BMPR1A: variants seen among roughly 807,000 people sequenced by gnomAD.
The protein encoded by BMPR1A is bone morphogenetic protein receptor type 1A, also known as bone morphogenetic protein receptor type-1A.
A neutral mutation model predicts 66.0 loss-of-function variants in BMPR1A; 7 were observed. The ratio of observed to expected loss-of-function variants is 0.11; its 90% CI spans 0.06 to 0.20. The LOEUF is 0.20. Ranked by LOEUF, BMPR1A falls within the 10% of genes least tolerant of loss-of-function variation. BMPR1A has a pLI of 1.00. For synonymous variants in BMPR1A, 200 were observed against 229.7 expected (o/e 0.87, Z 1.17); for missense variants, 408 against 669.1 (o/e 0.61, Z 4.31).
chr10:86,882,810 C>A (rs1843008624), intron 3 of BMPR1A, among the ~76,000 whole-genome samples: 1 of 151,468 alleles, frequency 6.6e-6, no homozygotes, highest in Non-Finnish European at 1.5e-5. Context: ...ACTAAAAATA[C>A]AAAAAATTAG....
intron 1 of BMPR1A, among the ~76,000 whole-genome samples, chr10:86,835,241 GA>G (rs1261675169): frequency 1.5e-5 from 1 of 67,912 alleles, no homozygotes; most frequent in African/African-American, 4.7e-5. Flanking sequence ...TCTTTAAAAA[GA>G]AAAAAAGAAA....
chr10:86,794,961 C>T (rs928672303), intron 1 of BMPR1A, among the ~76,000 whole-genome samples: 7 of 151,878 alleles, frequency 4.6e-5, no homozygotes, highest in East Asian at 1.9e-4. Flanking sequence ...AAGCAGTTCT[C>T]CTGCCTCAGC....
At chr10:86,774,372 G>T (rs1449991810) in intron 1 of BMPR1A, among the ~76,000 whole-genome samples, 1 of 151,870 alleles carries the variant, frequency 6.6e-6, no homozygotes, top group Non-Finnish European at 1.5e-5. Context: ...TTCAAGGATT[G>T]TCTTGGACCA....
intron 8 of BMPR1A, among the ~76,000 whole-genome samples, chr10:86,914,278 C>A (rs1255325916): frequency 2.0e-5 from 3 of 152,034 alleles, no homozygotes; most frequent in Admixed American, 2.0e-4. Flanking sequence ...TAGCATAGAC[C>A]TAAATGTAAA....
intron 2 of BMPR1A, among the ~76,000 whole-genome samples, chr10:86,842,868 C>G (rs1304765876): frequency 2.6e-5 from 4 of 151,870 alleles, no homozygotes; most frequent in African/African-American, 9.7e-5. Context: ...TATTCACTAC[C>G]AAGAGAACAG....
At chr10:86,855,046 C>A in intron 2 of BMPR1A, 1 of 226,264 alleles carries the variant, frequency 4.4e-6, no homozygotes. Flanking sequence ...AAGCAGTTCT[C>A]CTCAGCCTCC....
chr10:86,876,982 T>C (rs1231055829), intron 3 of BMPR1A, among the ~76,000 whole-genome samples: 1 of 152,220 alleles, frequency 6.6e-6, no homozygotes, highest in African/African-American at 2.4e-5. Flanking sequence ...GGCCTGTATT[T>C]GCACATAAGC....
intron 1 of BMPR1A, among the ~76,000 whole-genome samples, chr10:86,767,952 T>G (rs929629211): frequency 2.7e-4 from 41 of 152,220 alleles, no homozygotes; most frequent in African/African-American, 8.4e-4. Context: ...TCCTACATGT[T>G]ACTTGTTTTC....
chr10:86,891,167 G>A (rs1843145264), intron 4 of BMPR1A, among the ~76,000 whole-genome samples: 1 of 152,140 alleles, frequency 6.6e-6, no homozygotes, highest in African/African-American at 2.4e-5. Flanking sequence ...TCCCCTGGTG[G>A]TGGTGGGCTC....
At chr10:86,916,058 A>G (rs999915321) in intron 8 of BMPR1A, among the ~76,000 whole-genome samples, 16 of 152,288 alleles carry the variant, frequency 1.1e-4, no homozygotes, top group African/African-American at 3.9e-4. Context: ...TTTGTGTGCT[A>G]TGAAGGTGTT....
chr10:86,899,932 C>A, intron 6 of BMPR1A, 42 bp downstream of exon 6: 1 of 1,609,802 alleles, frequency 6.2e-7, no homozygotes, highest in Non-Finnish European at 8.5e-7. Context: ...TCTCAAATAT[C>A]TTCTCTGGTT....
intron 2 of BMPR1A, among the ~76,000 whole-genome samples, chr10:86,867,440 C>T (rs980759149): frequency 6.6e-6 from 1 of 152,236 alleles, no homozygotes. Context: ...TGATTCACTT[C>T]GCCTGTTTTT....
chr10:86,861,153 C>T (rs547266361), intron 2 of BMPR1A, among the ~76,000 whole-genome samples: 3 of 152,138 alleles, frequency 2.0e-5, no homozygotes, highest in Non-Finnish European at 4.4e-5. Context: ...GAACTTCTTA[C>T]AACACCCTAA....
At chr10:86,796,475 A>G (rs1050047170) in intron 1 of BMPR1A, among the ~76,000 whole-genome samples, 3 of 151,512 alleles carry the variant, frequency 2.0e-5, no homozygotes, top group African/African-American at 4.9e-5. Flanking sequence ...GAATTATATC[A>G]CATAAATTTA....
At chr10:86,917,032 G>A in intron 8 of BMPR1A, 102 bp from the exon 9 acceptor site, 1 of 1,246,556 alleles carries the variant, frequency 8.0e-7, no homozygotes, top group South Asian at 1.3e-5. Context: ...AACTGGAGTT[G>A]GTTGGGTACA....
intron 11 of BMPR1A, 37 bp downstream of exon 11, chr10:86,921,732 CT>C: frequency 6.2e-7 from 1 of 1,613,548 alleles, no homozygotes. Flanking sequence ...TGTTGATTTA[CT>C]CATCATTTTA....
intron 1 of BMPR1A, among the ~76,000 whole-genome samples, chr10:86,838,022 G>A (rs1385900012): frequency 6.6e-6 from 1 of 152,182 alleles, no homozygotes; most frequent in Non-Finnish European, 1.5e-5. Flanking sequence ...CATAGGCAAC[G>A]TTCATACAGT....
At chr10:86,840,581 G>T (rs539768728) in intron 2 of BMPR1A, among the ~76,000 whole-genome samples, 16 of 151,576 alleles carry the variant, frequency 1.1e-4, no homozygotes, top group Admixed American at 3.3e-4. Flanking sequence ...TCTCTAAAAT[G>T]ATCTCTCTCA....
intron 1 of BMPR1A, among the ~76,000 whole-genome samples, chr10:86,811,193 C>T (rs1186985905): frequency 1.3e-5 from 2 of 152,094 alleles, no homozygotes; most frequent in African/African-American, 4.8e-5. Context: ...TACACACCAC[C>T]ACACCCTGCT....
Sources: allele counts gnomAD v4.1 joint callset (sites outside exome capture counted in the v4.1 genomes callset), GRCh38; gene constraint gnomAD v4.1.1; transcripts MANE v1.5; gene names NCBI Gene and HGNC (gene_info 2026-07-23, HGNC 2026-07-21).